The following APCDD1L variants were observed in gnomAD, a reference collection of about 807,000 sequenced individuals.
The protein encoded by APCDD1L is APC down-regulated 1 like.
APCDD1L carries 21 observed loss-of-function variants against 24.2 expected under a neutral mutation model. The observed-to-expected ratio is 0.87, with a 90% confidence interval of 0.61 to 1.25. The LOEUF (loss-of-function observed/expected upper bound fraction) is 1.25. Among genes scored for constraint, APCDD1L ranks in the 50% most tolerant of loss-of-function variants. The pLI is 0.00. For synonymous variants in APCDD1L, 321 were observed against 323.6 expected (o/e 0.99, Z 0.09); for missense variants, 704 against 711.7 (o/e 0.99, Z 0.12).
At chr20:58,479,608 T>C (rs976155293) in intron 1 of APCDD1L, among the ~76,000 whole-genome samples, 30 of 151,898 alleles carry the variant, frequency 2.0e-4, no homozygotes, top group African/African-American at 6.5e-4. Context: ...TTTTTTTTTT[T>C]TTTTCTTAAA....
At position 58,461,186 on chromosome 20, in the gene APCDD1L, C is replaced by T; in HGVS notation, c.1110G>A (p.Met370Ile). Residue 370 changes from methionine (M) to isoleucine (I), a missense_variant, in exon 4 of 4, where the codon ATG (methionine) becomes ATA (isoleucine). Coordinates refer to ENST00000371149, the MANE Select transcript of APCDD1L (RefSeq NM_153360.3). The surrounding 1 kb of genome is among the most constrained non-coding windows in gnomAD (Gnocchi z 6.0). ...VTPMDQVTTA[M>I]LNFSEPSSCG... ...AGCTGCTTGGCTCAGAGAAGTTGAGCATGGCCGTGGTGACCTGGTCCATGG... is the reference window on the plus strand; with the variant it reads ...AGCTGCTTGGCTCAGAGAAGTTGAGTATGGCCGTGGTGACCTGGTCCATGG... 4 of 1,613,376 alleles carry T rather than the reference C, an allele frequency of 2.5e-6. No individual in the cohort carries two copies. Among genetic ancestry groups the T allele is most frequent in the Non-Finnish European group, 3.4e-6 (4 of 1,179,690 alleles).
At chr20:58,482,335 G>A (rs577824167) in intron 1 of APCDD1L, among the ~76,000 whole-genome samples, 4 of 152,094 alleles carry the variant, frequency 2.6e-5, no homozygotes, top group Non-Finnish European at 5.9e-5. Context: ...ATGTGCTTTC[G>A]GAGTTTCAGG....
chr20:58,492,988 G>A (rs1990251164), intron 1 of APCDD1L, among the ~76,000 whole-genome samples: 1 of 147,242 alleles, frequency 6.8e-6, no homozygotes, highest in Non-Finnish European at 1.5e-5. Flanking sequence ...CACACACAAT[G>A]CAAGCATGCA....
intron 1 of APCDD1L, among the ~76,000 whole-genome samples, chr20:58,502,898 A>T (rs1234489218): frequency 6.6e-6 from 1 of 152,204 alleles, no homozygotes; most frequent in Non-Finnish European, 1.5e-5. Flanking sequence ...TGAAGCTCTT[A>T]CAGGGCTCTA....
At position 58,494,125 on chromosome 20, in the gene APCDD1L, A is replaced by G. The variant is rs945591000; in HGVS notation, c.49+20534T>C. Among the ~76,000 whole-genome samples, 2 of 152,286 alleles carry G rather than the reference A, an allele frequency of 1.3e-5. No homozygotes were observed. Among genetic ancestry groups the G allele is most frequent in the South Asian group, 2.1e-4 (1 of 4,826 alleles). On this transcript the variant is annotated intron_variant, in intron 1 of 3. Coordinates refer to ENST00000371149, the MANE Select transcript of APCDD1L (RefSeq NM_153360.3). The surrounding 1 kb of genome is among the most constrained non-coding windows in gnomAD (Gnocchi z 4.8). ...AAAGGTCTTCATCCTCATCACCTTC[A>G]TGTTGAGTAGGCTGAGGAGGAGGAG... is the stretch of plus-strand genomic sequence containing the variant.
intron 1 of APCDD1L, among the ~76,000 whole-genome samples, chr20:58,507,468 C>T (rs769455866): frequency 3.9e-5 from 6 of 152,048 alleles, no homozygotes; most frequent in Non-Finnish European, 7.4e-5. Context: ...GTCTTTCTCC[C>T]TCTCCCTGAC....
intron 1 of APCDD1L, among the ~76,000 whole-genome samples, chr20:58,493,205 A>G (rs1990257002): frequency 6.6e-6 from 1 of 152,264 alleles, no homozygotes; most frequent in Non-Finnish European, 1.5e-5. Context: ...GCACATAAAC[A>G]TGCACATAAT....
At chr20:58,501,124 G>A (rs1990428958) in intron 1 of APCDD1L, among the ~76,000 whole-genome samples, 1 of 152,230 alleles carries the variant, frequency 6.6e-6, no homozygotes, top group South Asian at 2.1e-4. Flanking sequence ...CTTTAGTCCT[G>A]AAGTTTGGAC....
chr20:58,486,075 C>A (rs1331886822), intron 1 of APCDD1L, among the ~76,000 whole-genome samples: 1 of 152,130 alleles, frequency 6.6e-6, no homozygotes, highest in Non-Finnish European at 1.5e-5. Flanking sequence ...TCTCAAAGGT[C>A]ACCCAATACA....
intron 3 of APCDD1L, among the ~76,000 whole-genome samples, chr20:58,462,551 A>G (rs1317867296): frequency 1.3e-5 from 2 of 152,204 alleles, no homozygotes; most frequent in African/African-American, 2.4e-5. Context: ...AAAGCCATCA[A>G]AATATGTCTG....
In APCDD1L at chr20:58,460,899, G is replaced by C; in HGVS notation, c.1397C>G (p.Pro466Arg). ...CTTCTGCAGCGATGGCCTGTGCTGC[G>C]GTGGCCTGGAGAAGTCGGGGGCCTC... Reference protein sequence around the residue: ...HGEAPDFSRPPQHRPSLQKHP... With the variant: ...HGEAPDFSRPRQHRPSLQKHP... The change falls in exon 4 of 4, where the codon CCG becomes CGG. Residue 466 changes from proline (P) to arginine (R), a missense_variant. Coordinates refer to ENST00000371149, the MANE Select transcript of APCDD1L (RefSeq NM_153360.3). This position sits in a 1 kb window ranked among gnomAD's most constrained non-coding sequence, Gnocchi z 4.2. 2 of 1,609,052 alleles carry C rather than the reference G, an allele frequency of 1.2e-6. No homozygotes were observed. Among genetic ancestry groups the C allele is most frequent in the Non-Finnish European group, 1.7e-6 (2 of 1,176,694 alleles).
chr20:58,463,143 CAAAAAAA>C (rs398036014), intron 3 of APCDD1L, among the ~76,000 whole-genome samples: 6 of 93,758 alleles, frequency 6.4e-5, no homozygotes, highest in African/African-American at 1.7e-4. Context: ...CTCCATCTCA[CAAAAAAA>C]AAAAAAAAAA....
In APCDD1L at chr20:58,465,087, C is replaced by T. The variant is rs539592016; in HGVS notation, c.741+2019G>A. ...ATGAAATTGCCAGCCCCCACAGCCC[C>T]CGGGGATCTGTCCTCTCTGCATTCA... On this transcript the variant is annotated intron_variant, in intron 3 of 3. Transcript: ENST00000371149. Among the ~76,000 whole-genome samples, 4 of 152,266 alleles carry T rather than the reference C, an allele frequency of 2.6e-5. No homozygotes were observed. The South Asian group carries it at 8.3e-4, about 32-fold the overall frequency.
chr20:58,466,505 G>C (rs1465606996), intron 3 of APCDD1L, among the ~76,000 whole-genome samples: 1 of 152,256 alleles, frequency 6.6e-6, no homozygotes, highest in Non-Finnish European at 1.5e-5. Context: ...ATCTGGGCTG[G>C]TGTGCGCGGC....
chr20:58,466,125 C>CAAA (rs35123325), intron 3 of APCDD1L, among the ~76,000 whole-genome samples: 59,232 of 119,736 alleles, frequency 0.49, 14,565 homozygotes, highest in South Asian at 0.62. Flanking sequence ...GCTCATCTGG[C>CAAA]AAAAAAAAAA....
chr20:58,472,001 T>C (rs1282777660), intron 1 of APCDD1L, among the ~76,000 whole-genome samples: 1 of 152,080 alleles, frequency 6.6e-6, no homozygotes, highest in African/African-American at 2.4e-5. Flanking sequence ...GCGTGTTCTG[T>C]CCCTTTCCTG....
At chr20:58,465,389 C>T (rs1257687754) in intron 3 of APCDD1L, among the ~76,000 whole-genome samples, 2 of 152,120 alleles carry the variant, frequency 1.3e-5, no homozygotes, top group African/African-American at 2.4e-5. Context: ...CCACAGTGCT[C>T]CCGCATTGGG....
chr20:58,512,964 A>C (rs1435199206), intron 1 of APCDD1L, among the ~76,000 whole-genome samples: 1 of 152,020 alleles, frequency 6.6e-6, no homozygotes, highest in Non-Finnish European at 1.5e-5. Flanking sequence ...GCTGTGGTGA[A>C]AGGTCACCGA....
chr20:58,479,358 G>A (rs1989979134), intron 1 of APCDD1L, among the ~76,000 whole-genome samples: 1 of 152,102 alleles, frequency 6.6e-6, no homozygotes, highest in Admixed American at 6.5e-5. Flanking sequence ...CACATTTCAG[G>A]TGCCCTGTGA....
Sources: allele counts gnomAD v4.1 joint callset (sites outside exome capture counted in the v4.1 genomes callset), GRCh38; gene constraint gnomAD v4.1.1; non-coding constraint Gnocchi (gnomAD v3.1); transcripts MANE v1.5; gene names NCBI Gene and HGNC (gene_info 2026-07-23, HGNC 2026-07-21).